The following PHACTR3 variants were observed in gnomAD, a reference collection of about 807,000 sequenced individuals.
PHACTR3 encodes phosphatase and actin regulator 3, also known as protein phosphatase 1, regulatory subunit 123.
In PHACTR3, 16 loss-of-function variants were observed where a neutral mutation model predicts 66.8. The ratio of observed to expected loss-of-function variants is 0.24; its 90% CI spans 0.16 to 0.36. The LOEUF (loss-of-function observed/expected upper bound fraction) is 0.36, where lower values mean the gene tolerates loss of function less well. PHACTR3 is among the 10% of genes least tolerant of loss of function. The probability of loss-of-function intolerance (pLI) is 1.00; values close to 1 mark genes in which losing one functional copy is unlikely to be tolerated. For missense variants in PHACTR3, 647 were observed against 719.9 expected (o/e 0.90, Z 1.16); for synonymous variants, 323 against 292.1 (o/e 1.11, Z -1.08).
intron 1 of PHACTR3, among the ~76,000 whole-genome samples, chr20:59,643,882 T>G (rs938329013): frequency 6.6e-6 from 1 of 152,196 alleles, no homozygotes; most frequent in Non-Finnish European, 1.5e-5. Context: ...CCTGTGAAAG[T>G]AGCACTTAGG....
At chr20:59,839,969 T>C (rs1239228966) in intron 9 of PHACTR3, among the ~76,000 whole-genome samples, 3 of 152,326 alleles carry the variant, frequency 2.0e-5, no homozygotes, top group Non-Finnish European at 4.4e-5. Flanking sequence ...GAAATGTACA[T>C]ATACATTTAT....
intron 3 of PHACTR3, among the ~76,000 whole-genome samples, chr20:59,750,889 G>A (rs1365490963): frequency 2.0e-5 from 3 of 152,196 alleles, no homozygotes; most frequent in African/African-American, 7.2e-5. Flanking sequence ...ACAGGCTCCC[G>A]GCTAAATCCT....
At chr20:59,793,466 G>A (rs2041162786) in intron 7 of PHACTR3, among the ~76,000 whole-genome samples, 1 of 152,114 alleles carries the variant, frequency 6.6e-6, no homozygotes, top group Admixed American at 6.5e-5. Context: ...TTCTTTCAAT[G>A]ATTCATAATT....
intron 1 of PHACTR3, among the ~76,000 whole-genome samples, chr20:59,644,688 G>C (rs1022692640): frequency 6.6e-6 from 1 of 152,134 alleles, no homozygotes; most frequent in African/African-American, 2.4e-5. Flanking sequence ...ATTTGCCCTG[G>C]TGTCCCAGGT....
At chr20:59,589,689 C>A (rs184793414) in intron 1 of PHACTR3, among the ~76,000 whole-genome samples, 1 of 152,110 alleles carries the variant, frequency 6.6e-6, no homozygotes, top group African/African-American at 2.4e-5. Context: ...GTATATAAAT[C>A]CAGTAAACAT....
intron 1 of PHACTR3, among the ~76,000 whole-genome samples, chr20:59,591,470 A>G (rs2033180323): frequency 6.6e-6 from 1 of 152,202 alleles, no homozygotes; most frequent in Non-Finnish European, 1.5e-5. Flanking sequence ...ACAGATGAGG[A>G]AACTGAGGCC....
At chr20:59,663,980 C>T (rs767440816) in intron 1 of PHACTR3, among the ~76,000 whole-genome samples, 16 of 152,180 alleles carry the variant, frequency 1.1e-4, no homozygotes, top group Non-Finnish European at 1.9e-4. Context: ...CATATTGAAA[C>T]GTCCATGTTA....
chr20:59,785,066 A>G (rs1343868434), intron 7 of PHACTR3, among the ~76,000 whole-genome samples: 2 of 152,188 alleles, frequency 1.3e-5, no homozygotes, highest in Non-Finnish European at 1.5e-5. Flanking sequence ...GAGGAGGCTC[A>G]GGCAGGAGGG....
At chr20:59,713,412 G>A (rs2037976010) in intron 1 of PHACTR3, among the ~76,000 whole-genome samples, 1 of 152,120 alleles carries the variant, frequency 6.6e-6, no homozygotes, top group Non-Finnish European at 1.5e-5. Context: ...GTCCCCTTGT[G>A]TACCCCCACC....
chr20:59,822,834 G>A (rs148073165), intron 8 of PHACTR3, among the ~76,000 whole-genome samples: 265 of 152,340 alleles, frequency 1.7e-3, no homozygotes, highest in African/African-American at 6.1e-3. Context: ...CAGCCGCCAG[G>A]GCAGGTGAAT....
At chr20:59,687,329 G>A (rs1229031027) in intron 1 of PHACTR3, among the ~76,000 whole-genome samples, 1 of 152,116 alleles carries the variant, frequency 6.6e-6, no homozygotes, top group Non-Finnish European at 1.5e-5. Flanking sequence ...GTGTGATGGT[G>A]GTAATGAGGG....
At chr20:59,751,220 G>A (rs950198767) in intron 3 of PHACTR3, among the ~76,000 whole-genome samples, 1 of 150,260 alleles carries the variant, frequency 6.7e-6, no homozygotes, top group Non-Finnish European at 1.5e-5. Context: ...TTAAGGAACC[G>A]GCTTCAGCCA....
chr20:59,726,625 T>C (rs921191890), intron 1 of PHACTR3, among the ~76,000 whole-genome samples: 1 of 152,186 alleles, frequency 6.6e-6, no homozygotes, highest in African/African-American at 2.4e-5. Flanking sequence ...TTCTTTGCAC[T>C]AAACTATGTG....
chr20:59,760,876 C>T (rs566139388), intron 4 of PHACTR3, among the ~76,000 whole-genome samples: 8 of 152,136 alleles, frequency 5.3e-5, no homozygotes, highest in Admixed American at 2.6e-4. Flanking sequence ...ACTCAGGGAG[C>T]GTGTTCTGTG....
intron 7 of PHACTR3, among the ~76,000 whole-genome samples, chr20:59,799,727 A>G (rs2146978566): frequency 6.6e-6 from 1 of 152,228 alleles, no homozygotes; most frequent in South Asian, 2.1e-4. Context: ...GGCAGCACAT[A>G]GTTTTGTCTC....
At chr20:59,597,966 C>T (rs929138606) in intron 1 of PHACTR3, among the ~76,000 whole-genome samples, 1 of 152,250 alleles carries the variant, frequency 6.6e-6, no homozygotes, top group Non-Finnish European at 1.5e-5. Context: ...CTGTTCCTCT[C>T]CTTTCATTAG....
chr20:59,778,941 G>T (rs936623751), intron 7 of PHACTR3, among the ~76,000 whole-genome samples: 2 of 152,228 alleles, frequency 1.3e-5, no homozygotes, highest in Admixed American at 6.5e-5. Flanking sequence ...GGAAACTGCT[G>T]TCGTGAACGT....
chr20:59,640,911 G>A (rs1180057695), intron 1 of PHACTR3, among the ~76,000 whole-genome samples: 2 of 152,032 alleles, frequency 1.3e-5, no homozygotes, highest in African/African-American at 4.8e-5. Context: ...GTAGAGTAGG[G>A]ACTCATAACC....
chr20:59,609,862 A>T (rs1568931612), intron 1 of PHACTR3, among the ~76,000 whole-genome samples: 1 of 152,240 alleles, frequency 6.6e-6, no homozygotes. Flanking sequence ...TTAAAAACAT[A>T]AAAGCTAGAT....
Sources: allele counts gnomAD v4.1 joint callset (sites outside exome capture counted in the v4.1 genomes callset), GRCh38; gene constraint gnomAD v4.1.1; transcripts MANE v1.5; gene names NCBI Gene and HGNC (gene_info 2026-07-23, HGNC 2026-07-21).